HPSE2: variants seen among roughly 807,000 people sequenced by gnomAD.
The protein encoded by HPSE2 is inactive heparanase-2.
HPSE2 carries 38 observed loss-of-function variants against 60.5 expected under a neutral mutation model. That is an observed-to-expected ratio of 0.63 (90% CI 0.48 to 0.82). The LOEUF (loss-of-function observed/expected upper bound fraction) is 0.82. Among genes scored for constraint, HPSE2 ranks in the 40% least tolerant of loss-of-function variants. The pLI is 0.00. For synonymous variants in HPSE2, 295 were observed against 293.2 expected (o/e 1.01, Z -0.06); for missense variants, 713 against 740.4 (o/e 0.96, Z 0.43).
chr10:99,193,804 G>A (rs1848302562), intron 2 of HPSE2, among the ~76,000 whole-genome samples: 1 of 152,006 alleles, frequency 6.6e-6, no homozygotes, highest in African/African-American at 2.4e-5. Context: ...AATATTATTA[G>A]AGCTAATGAG....
chr10:98,539,610 T>C (rs1417822276), intron 9 of HPSE2, among the ~76,000 whole-genome samples: 3 of 152,218 alleles, frequency 2.0e-5, no homozygotes, highest in Admixed American at 6.5e-5. Flanking sequence ...ATCAGAAAAG[T>C]GTGGGTTGCA....
chr10:99,303,516 C>A, the HPSE2 span, among the ~76,000 whole-genome samples: 3,080 of 152,252 alleles, frequency 0.02, 114 homozygotes, highest in East Asian at 0.15. Context: ...AAAGAAGGAT[C>A]CCCTGAAGAT....
At chr10:98,881,082 G>C (rs1953009387) in intron 3 of HPSE2, among the ~76,000 whole-genome samples, 1 of 152,032 alleles carries the variant, frequency 6.6e-6, no homozygotes. Flanking sequence ...CAGAAGTATA[G>C]CTTTGTTTGC....
At chr10:99,046,191 A>G (rs1344277609) in intron 3 of HPSE2, among the ~76,000 whole-genome samples, 1 of 152,136 alleles carries the variant, frequency 6.6e-6, no homozygotes, top group African/African-American at 2.4e-5. Context: ...GCAAATCAAT[A>G]AATGTGATTC....
intron 4 of HPSE2, among the ~76,000 whole-genome samples, chr10:98,741,638 C>A (rs1036233565): frequency 6.6e-6 from 1 of 151,812 alleles, no homozygotes; most frequent in Non-Finnish European, 1.5e-5. Context: ...TTATTCCCAT[C>A]AATCACTTGT....
intron 3 of HPSE2, among the ~76,000 whole-genome samples, chr10:99,089,758 T>C (rs1196494065): frequency 6.6e-6 from 1 of 152,156 alleles, no homozygotes; most frequent in East Asian, 1.9e-4. Context: ...TGTAGATTGC[T>C]TTTGGCAGTA....
chr10:98,892,856 T>G (rs1953375047), intron 3 of HPSE2, among the ~76,000 whole-genome samples: 1 of 152,060 alleles, frequency 6.6e-6, no homozygotes, highest in Admixed American at 6.6e-5. Flanking sequence ...CTTGTTTTTG[T>G]TTTCTTTTCC....
chr10:99,189,739 A>C (rs1358609253), intron 2 of HPSE2, among the ~76,000 whole-genome samples: 1 of 152,130 alleles, frequency 6.6e-6, no homozygotes, highest in Non-Finnish European at 1.5e-5. Context: ...ATTCATGTAG[A>C]ATATAATCTT....
At chr10:99,256,773 G>T in the HPSE2 span, among the ~76,000 whole-genome samples, 2 of 152,150 alleles carry the variant, frequency 1.3e-5, no homozygotes, top group Admixed American at 6.5e-5. Flanking sequence ...GTAGGTTATG[G>T]CTGGGCTTGG....
At chr10:98,905,630 T>C (rs943432185) in intron 3 of HPSE2, among the ~76,000 whole-genome samples, 2 of 152,124 alleles carry the variant, frequency 1.3e-5, no homozygotes, top group African/African-American at 4.8e-5. Context: ...TAAACACAAC[T>C]GGTTATAAAA....
intron 3 of HPSE2, among the ~76,000 whole-genome samples, chr10:98,807,797 A>G (rs2785214): frequency 0.055 from 8,347 of 152,252 alleles, 735 homozygotes; most frequent in African/African-American, 0.19. Context: ...TTTTAAAATA[A>G]TTATAAAAGA....
In HPSE2 at chr10:98,638,347, C is replaced by T. The variant is rs571505508; in HGVS notation, c.1098+3500G>A. On this transcript the variant is annotated intron_variant, in intron 7 of 11. Coordinates refer to ENST00000370552, the MANE Select transcript of HPSE2 (RefSeq NM_021828.5). The stretch of plus-strand genomic sequence containing the variant: ...GTAGTCCCAGCTACTCGGGAGGCTG[C>T]GGCAGGAGAAAGGTGTGAACCCGGG... Among the ~76,000 whole-genome samples the T allele has an allele frequency of 1.0e-4, 15 of 150,124 alleles. No homozygotes were observed. The South Asian group carries it at 2.8e-3, about 28-fold the overall frequency.
intron 9 of HPSE2, among the ~76,000 whole-genome samples, chr10:98,565,758 C>T (rs628037): frequency 0.046 from 6,995 of 152,178 alleles, 167 homozygotes; most frequent in South Asian, 0.082. Context: ...TATTCCTTGT[C>T]CTTGATGATG....
chr10:98,554,673 A>G (rs1352533500), intron 9 of HPSE2, among the ~76,000 whole-genome samples: 1 of 152,198 alleles, frequency 6.6e-6, no homozygotes. Flanking sequence ...CAGAAGAGTA[A>G]GATGAACACC....
intron 3 of HPSE2, among the ~76,000 whole-genome samples, chr10:99,104,534 C>T (rs901993455): frequency 6.6e-6 from 1 of 152,102 alleles, no homozygotes; most frequent in African/African-American, 2.4e-5. Context: ...ACTAGAAATA[C>T]CATTTGACTC....
chr10:99,128,376 T>G (rs899836094), intron 3 of HPSE2, among the ~76,000 whole-genome samples: 2 of 152,110 alleles, frequency 1.3e-5, no homozygotes, highest in African/African-American at 4.8e-5. Context: ...GATATATGTA[T>G]GCATATGTTC....
intron 9 of HPSE2, among the ~76,000 whole-genome samples, chr10:98,611,091 T>G (rs1426365313): frequency 2.6e-5 from 4 of 151,794 alleles, no homozygotes; most frequent in Admixed American, 6.6e-5. Flanking sequence ...TTCCCAGTGT[T>G]GGGGGGGGCC....
intron 9 of HPSE2, among the ~76,000 whole-genome samples, chr10:98,605,373 A>G (rs1945549249): frequency 6.6e-6 from 1 of 152,224 alleles, no homozygotes; most frequent in Non-Finnish European, 1.5e-5. Context: ...ATCTAACATT[A>G]TTTTTTATGT....
chr10:98,641,946 A>G lies in HPSE2; in HGVS notation c.1005-6T>C. ...CCCGGCCATCAATGTAGCAACTGGAATAAAAATAAAATAAGAATCAGATAA... is the reference window on the plus strand; with the variant it reads ...CCCGGCCATCAATGTAGCAACTGGAGTAAAAATAAAATAAGAATCAGATAA... On this transcript the variant is annotated splice_polypyrimidine_tract_variant and splice_region_variant and intron_variant, in intron 6 of 11. Transcript: ENST00000370552. 2 of 1,605,972 alleles carry G rather than the reference A, an allele frequency of 1.2e-6. No individual in the cohort carries two copies. Among genetic ancestry groups the G allele is most frequent in the Non-Finnish European group, 1.7e-6 (2 of 1,172,930 alleles).
Sources: allele counts gnomAD v4.1 joint callset (sites outside exome capture counted in the v4.1 genomes callset), GRCh38; gene constraint gnomAD v4.1.1; transcripts MANE v1.5; gene names NCBI Gene and HGNC (gene_info 2026-07-23, HGNC 2026-07-21).